OXTR: variants seen among roughly 807,000 people sequenced by gnomAD.
OXTR encodes the protein oxytocin receptor.
OXTR carries 19 observed loss-of-function variants against 23.9 expected under a neutral mutation model. That is an observed-to-expected ratio of 0.80 (90% CI 0.56 to 1.17). The LOEUF is 1.17. OXTR is among the 50% of genes most tolerant of loss of function. The probability of loss-of-function intolerance (pLI) is 0.00; values close to 1 mark genes in which losing one functional copy is unlikely to be tolerated. For synonymous variants in OXTR, 278 were observed against 250.5 expected (o/e 1.11, Z -1.04); for missense variants, 500 against 550.7 (o/e 0.91, Z 0.92).
Position 8,752,841 on chromosome 3 carries a change from T to C in OXTR, c.*136A>G, listed in dbSNP as rs1005284735. The C allele has an allele frequency of 1.7e-5, 16 of 967,162 alleles. No individual in the cohort carries two copies. In the Admixed American group the frequency reaches 4.3e-4, roughly 26 times the overall value. The allele number at this position is 967,162 out of a possible 1,614,324, so 59.9% of individuals were successfully genotyped here. On this transcript the variant is annotated 3_prime_UTR_variant, in exon 4 of 4. Coordinates refer to ENST00000316793, the MANE Select transcript of OXTR (RefSeq NM_000916.4). The stretch of plus-strand genomic sequence containing the variant: ...TCATGGAGGCCACTCTCCACCCCAC[T>C]GAAGCCACCCCAAGGAGGGGAGGGA...
chr3:8,752,909 C>A lies in OXTR; in HGVS notation c.*68G>T. ...CTTATACACAAACATACGCCATCAC[C>A]TAGGAGCAGAGCACTTATGCCAGCA... On this transcript the variant is annotated 3_prime_UTR_variant, in exon 4 of 4. Coordinates refer to ENST00000316793, the MANE Select transcript of OXTR (RefSeq NM_000916.4). 6.6e-7 allele frequency: 1 copy of A among 1,506,732 alleles called. No individual in the cohort carries two copies. Among genetic ancestry groups the A allele is most frequent in the Non-Finnish European group, 8.9e-7 (1 of 1,121,836 alleles). The allele number at this position is 1,506,732 out of a possible 1,614,324, so 93.3% of individuals were successfully genotyped here.
At chr3:8,760,543 GA>G (rs1302199843) in intron 3 of OXTR, among the ~76,000 whole-genome samples, 2 of 152,208 alleles carry the variant, frequency 1.3e-5, no homozygotes, top group African/African-American at 4.8e-5. Flanking sequence ...CGCAAACTGG[GA>G]AAACAGGGAT....
rs1202726510 is a variant in OXTR at position 8,751,182 on chromosome 3, T to C, written c.*1795A>G. On this transcript the variant is annotated 3_prime_UTR_variant, in exon 4 of 4. Transcript: ENST00000316793. ...TTAGTAGCCATTTGCATATCTTCTTTGGAGAAATGTCTATTCAAACCGTTA... is the reference window on the plus strand; with the variant it reads ...TTAGTAGCCATTTGCATATCTTCTTCGGAGAAATGTCTATTCAAACCGTTA... The C allele has an allele frequency of 6.6e-6, 1 of 152,262 alleles. No individual in the cohort carries two copies. The highest frequency in any genetic ancestry group is 1.5e-5 in the Non-Finnish European group (1 of 68,046). The allele number at this position is 152,262 out of a possible 1,614,324, so 9.4% of individuals were successfully genotyped here. A position where few individuals can be genotyped will look rare whatever the true frequency, so the allele number is the denominator to read the frequency against.
At chr3:8,744,450 T>A in the OXTR span, among the ~76,000 whole-genome samples, 1 of 115,318 alleles carries the variant, frequency 8.7e-6, no homozygotes, top group Non-Finnish European at 2.0e-5. Flanking sequence ...GGCTAATTTT[T>A]TTTTTTTTTT....
chr3:8,754,470 G>A (rs571984971), intron 3 of OXTR, among the ~76,000 whole-genome samples: 1 of 152,328 alleles, frequency 6.6e-6, no homozygotes, highest in African/African-American at 2.4e-5. Flanking sequence ...AAATCCACTA[G>A]TCTTCCTTCT....
downstream of OXTR, chr3:8,745,617 A>G: frequency 6.2e-7 from 1 of 1,614,106 alleles, no homozygotes; most frequent in Non-Finnish European, 8.5e-7. The surrounding 1 kb of genome is among the most constrained non-coding windows in gnomAD (Gnocchi z 4.8). Flanking sequence ...ACTGTCTCCA[A>G]GTACTGGTGC....
chr3:8,759,581 C>T (rs1708445489), intron 3 of OXTR, among the ~76,000 whole-genome samples: 1 of 152,238 alleles, frequency 6.6e-6, no homozygotes, highest in South Asian at 2.1e-4. Flanking sequence ...CCTGCTCAAC[C>T]ACAGGATATG....
chr3:8,754,984 A>C (rs879915479), intron 3 of OXTR, among the ~76,000 whole-genome samples: 4 of 152,220 alleles, frequency 2.6e-5, no homozygotes, highest in Admixed American at 1.3e-4. Flanking sequence ...ATGAAAGAAA[A>C]ATGATCAATA....
At position 8,752,929 on chromosome 3, in the gene OXTR, C is replaced by A; in HGVS notation, c.*48G>T. On this transcript the variant is annotated 3_prime_UTR_variant, in exon 4 of 4. Coordinates refer to ENST00000316793, the MANE Select transcript of OXTR (RefSeq NM_000916.4). ...ATCACCTAGGAGCAGAGCACTTATG[C>A]CAGCACAGCCTGAGCCTCAGGCTGC... 1 of 1,568,408 alleles carries A rather than the reference C, an allele frequency of 6.4e-7. No homozygotes were observed. Among genetic ancestry groups the A allele is most frequent in the Non-Finnish European group, 8.6e-7 (1 of 1,157,340 alleles).
At chr3:8,763,177 C>T (rs1327058164) in intron 3 of OXTR, among the ~76,000 whole-genome samples, 2 of 152,174 alleles carry the variant, frequency 1.3e-5, no homozygotes, top group African/African-American at 2.4e-5. Context: ...TCCCAGCCTC[C>T]CCGGACACAT....
chr3:8,765,349 G>A (rs1439484891), intron 3 of OXTR, among the ~76,000 whole-genome samples: 1 of 152,214 alleles, frequency 6.6e-6, no homozygotes, highest in African/African-American at 2.4e-5. Context: ...AAAATCACCA[G>A]AGACTCAAGA....
the OXTR span, among the ~76,000 whole-genome samples, chr3:8,742,925 A>G: frequency 0.53 from 80,886 of 152,068 alleles, 23,042 homozygotes; most frequent in African/African-American, 0.75. Flanking sequence ...TCATGGTTCT[A>G]CAGGCTGTAT....
downstream of OXTR, among the ~76,000 whole-genome samples, chr3:8,749,296 G>C (rs949481242): frequency 1.3e-5 from 2 of 152,190 alleles, no homozygotes; most frequent in African/African-American, 4.8e-5. Context: ...GTACCCGCCA[G>C]AGCTTTCACA....
At chr3:8,757,432 TA>T (rs965170284) in intron 3 of OXTR, among the ~76,000 whole-genome samples, 258 of 140,304 alleles carry the variant, frequency 1.8e-3, no homozygotes, top group Non-Finnish European at 2.1e-3. Context: ...TCTCAAAAGT[TA>T]AAAAAAAAAA....
chr3:8,753,161 T>C lies in OXTR; in HGVS notation c.986A>G (p.Tyr329Cys), dbSNP rs1575482900. The C allele has an allele frequency of 6.2e-7, 1 of 1,613,970 alleles. No homozygotes were observed. The highest frequency in any genetic ancestry group is 8.5e-7 in the Non-Finnish European group (1 of 1,179,990). Residue 329 changes from tyrosine to cysteine, a missense_variant, in exon 4 of 4, where the codon TAC becomes TGC. Tyr to Cys is a radical substitution (Grantham distance 194). Coordinates refer to ENST00000316793, the MANE Select transcript of OXTR (RefSeq NM_000916.4). ...GAAGAGGTGGCCCGTGAACAGCATG[T>C]AGATCCAGGGGTTGCAGCAGCTGTT... ...SLNSCCNPWI[Y>C]MLFTGHLFHE...
chr3:8,753,319 G>A (rs1007124338), intron 3 of OXTR, 95 bp from the exon 4 acceptor site: 44 of 1,409,546 alleles, frequency 3.1e-5, no homozygotes, highest in Admixed American at 1.9e-4. Flanking sequence ...TTTCCTGAGC[G>A]ACAGCCTTGT....
chr3:8,763,769 T>C (rs1194968393), intron 3 of OXTR, among the ~76,000 whole-genome samples: 2 of 152,208 alleles, frequency 1.3e-5, no homozygotes, highest in African/African-American at 4.8e-5. Context: ...TCCCATTGGC[T>C]CTTTCTTCGG....
intron 3 of OXTR, among the ~76,000 whole-genome samples, chr3:8,760,489 C>T (rs1195591387): frequency 1.3e-5 from 2 of 152,242 alleles, no homozygotes; most frequent in Non-Finnish European, 2.9e-5. Context: ...GCATCAGTAA[C>T]TGTTTTTTGG....
At chr3:8,762,511 T>C (rs1466495996) in intron 3 of OXTR, among the ~76,000 whole-genome samples, 1 of 152,222 alleles carries the variant, frequency 6.6e-6, no homozygotes, top group African/African-American at 2.4e-5. Context: ...AGGGCCGAGC[T>C]TGTGCACTCT....
Sources: allele counts gnomAD v4.1 joint callset (sites outside exome capture counted in the v4.1 genomes callset), GRCh38; gene constraint gnomAD v4.1.1; non-coding constraint Gnocchi (gnomAD v3.1); transcripts MANE v1.5; gene names NCBI Gene and HGNC (gene_info 2026-07-23, HGNC 2026-07-21).